Variants in MAST4 observed in about 807,000 individuals in gnomAD.
MAST4 encodes microtubule-associated serine/threonine-protein kinase 4.
In MAST4, 89 loss-of-function variants were observed where a neutral mutation model predicts 162.7. The ratio of observed to expected loss-of-function variants is 0.55; its 90% CI spans 0.46 to 0.65. The LOEUF is 0.65. MAST4 is among the 30% of genes least tolerant of loss of function. The pLI, the probability that MAST4 is intolerant of heterozygous loss-of-function variation, is 0.00. For synonymous variants in MAST4, 1,479 were observed against 1,361.1 expected, an observed-to-expected ratio of 1.09 and a Z score of -1.91; for missense variants, 3,153 against 3,374.0, an observed-to-expected ratio of 0.93 and a Z score of 1.62.
rs543464979 is a variant in MAST4, at chr5:67,099,501, TAAAA to T, written c.913-929_913-926del. 9.9e-3 allele frequency among the ~76,000 whole-genome samples: 1,505 copies of T among 152,164 alleles called. 17 individuals carry two copies. The highest frequency in any genetic ancestry group is 0.035 in the African/African-American group (1,450 of 41,564). ...AGGATACTCTTAATATAATGATTTT[TAAAA>T]AAAATGCTTACTAGAACTGACATTT... On this transcript the variant is annotated intron_variant, in intron 7 of 28. Transcript: ENST00000403625.
intron 3 of MAST4, among the ~76,000 whole-genome samples, chr5:66,874,248 G>T (rs1399928017): frequency 1.3e-5 from 2 of 152,110 alleles, no homozygotes; most frequent in African/African-American, 4.8e-5. Flanking sequence ...AGCAAAACGG[G>T]CAATAGGAAT....
At chr5:67,130,514 T>G (rs1051478654) in intron 15 of MAST4, 96 bp downstream of exon 15, 13 of 1,248,670 alleles carry the variant, frequency 1.0e-5, no homozygotes, top group African/African-American at 7.4e-5. Context: ...AATGGCTGTA[T>G]CCACCTAGGA....
rs763364494 is a variant in MAST4, at chr5:67,136,568, A to T, written c.2398A>T (p.Ile800Phe). The change falls in exon 19 of 29, where the codon ATC (isoleucine) becomes TTC (phenylalanine). Residue 800 changes from isoleucine to phenylalanine, a missense_variant. Ile to Phe is a conservative substitution (Grantham distance 21). Around this residue, in one of 7 missense-constraint regions of MAST4, gnomAD observed 62 missense variants for 63.1 expected, o/e 0.98. Transcript: ENST00000403625. ...ELFGQVISDE[I>F]NWPEKDEAPP... The stretch of plus-strand genomic sequence containing the variant: ...ACAACTTTTCTTCCTTCTAGATGAG[A>T]TCAACTGGCCTGAGAAGGATGAGGC... 1.9e-6 allele frequency: 3 copies of T among 1,601,318 alleles called. No homozygotes were observed. Among genetic ancestry groups the T allele is most frequent in the Non-Finnish European group, 2.6e-6 (3 of 1,173,580 alleles).
At chr5:66,932,392 CAT>C (rs1357888963) in intron 4 of MAST4, among the ~76,000 whole-genome samples, 2 of 152,204 alleles carry the variant, frequency 1.3e-5, no homozygotes, top group East Asian at 1.9e-4. Flanking sequence ...AGCTGGATAA[CAT>C]GTGATTGTGG....
chr5:66,954,523 A>G (rs561455368), intron 4 of MAST4, among the ~76,000 whole-genome samples: 1 of 152,242 alleles, frequency 6.6e-6, no homozygotes, highest in South Asian at 2.1e-4. Context: ...AACAACACAC[A>G]ACACACTTGC....
chr5:66,667,242 G>C (rs965085819), intron 1 of MAST4, among the ~76,000 whole-genome samples: 1 of 152,094 alleles, frequency 6.6e-6, no homozygotes, highest in African/African-American at 2.4e-5. Context: ...ATGGAAACTT[G>C]TACAAAGGAA....
intron 4 of MAST4, among the ~76,000 whole-genome samples, chr5:66,955,633 C>G (rs1428533209): frequency 2.0e-5 from 3 of 152,116 alleles, no homozygotes; most frequent in Non-Finnish European, 2.9e-5. Context: ...CTCTCCCTCC[C>G]CAGATCATTT....
At chr5:66,916,373 T>G (rs1488629057) in intron 4 of MAST4, among the ~76,000 whole-genome samples, 1 of 152,148 alleles carries the variant, frequency 6.6e-6, no homozygotes. Context: ...ATGAACACAA[T>G]GATGAGACTG....
chr5:67,040,656 C>T (rs1410454735), intron 4 of MAST4, among the ~76,000 whole-genome samples: 1 of 152,176 alleles, frequency 6.6e-6, no homozygotes, highest in Non-Finnish European at 1.5e-5. Context: ...GCTACAGACT[C>T]AAAAGTCTGG....
rs1207136344 is a variant in MAST4, at chr5:66,734,881, G to A, written c.364-24828G>A. ...AGGACTCCCCACCCCTTGCAGTGTT[G>A]TTCTTTCTCTTTGTTCTAGTTATTC... is the stretch of plus-strand genomic sequence containing the variant. On this transcript the variant is annotated intron_variant, in intron 1 of 28. Coordinates refer to ENST00000403625, the MANE Select transcript of MAST4 (RefSeq NM_001164664.2). Among the ~76,000 whole-genome samples the A allele has an allele frequency of 2.0e-5, 3 of 152,142 alleles. No individual in the cohort carries two copies. In the East Asian group the frequency reaches 5.8e-4, roughly 29 times the overall value.
chr5:66,869,609 T>G (rs370360278), intron 3 of MAST4, among the ~76,000 whole-genome samples: 1 of 152,214 alleles, frequency 6.6e-6, no homozygotes, highest in Non-Finnish European at 1.5e-5. Flanking sequence ...GCCGAAGCAG[T>G]GATTATGGGC....
intron 3 of MAST4, among the ~76,000 whole-genome samples, chr5:66,847,461 C>T (rs1339762225): frequency 2.0e-5 from 3 of 152,124 alleles, no homozygotes; most frequent in Non-Finnish European, 4.4e-5. Context: ...GGCAAAACCC[C>T]ATCTCTACTA....
intron 3 of MAST4, among the ~76,000 whole-genome samples, chr5:66,893,861 C>T (rs1036168584): frequency 6.6e-6 from 1 of 152,140 alleles, no homozygotes; most frequent in South Asian, 2.1e-4. Flanking sequence ...TACAGCCAAG[C>T]CCTGTGTAAG....
chr5:66,788,793 T>A lies in MAST4; in HGVS notation c.641T>A (p.Leu214Gln). The change falls in exon 3 of 29, where the codon CTG becomes CAG. Residue 214 changes from leucine (L) to glutamine (Q), a missense_variant and splice_region_variant. Leu to Gln is a moderately radical substitution (Grantham distance 113). Around this residue, in one of 7 missense-constraint regions of MAST4, gnomAD observed 327 missense variants for 336.5 expected, o/e 0.97. Coordinates refer to ENST00000403625, the MANE Select transcript of MAST4 (RefSeq NM_001164664.2). ...TCGGCGCCCTCGCTCACCGCCAGCC[T>A]GGTGAGTGTCCGCGGGCGCCGGTGG... ...GQSAPSLTAS[L>Q]KELSLPRRGS... The A allele has an allele frequency of 6.3e-7, 1 of 1,575,574 alleles. No individual in the cohort carries two copies. Among genetic ancestry groups the A allele is most frequent in the Non-Finnish European group, 8.6e-7 (1 of 1,162,098 alleles).
At chr5:66,775,081 A>G (rs2149646582) in intron 2 of MAST4, among the ~76,000 whole-genome samples, 1 of 151,934 alleles carries the variant, frequency 6.6e-6, no homozygotes, top group African/African-American at 2.4e-5. Flanking sequence ...CATGGGAGTC[A>G]GACAGCTCTG....
At chr5:66,669,899 G>T (rs1330206373) in intron 1 of MAST4, among the ~76,000 whole-genome samples, 1 of 152,198 alleles carries the variant, frequency 6.6e-6, no homozygotes, top group East Asian at 1.9e-4. Flanking sequence ...GGAAAAAATG[G>T]GCAAAGGCCA....
At position 67,166,686 on chromosome 5, in the gene MAST4, A is replaced by T; in HGVS notation, c.7507A>T (p.Arg2503Trp). The change falls in exon 29 of 29, where the codon AGG becomes TGG. Residue 2503 changes from arginine to tryptophan, a missense_variant. By Grantham distance (101) the Arg-to-Trp change is moderately radical. Coordinates refer to ENST00000403625, the MANE Select transcript of MAST4 (RefSeq NM_001164664.2). ...TCCAGCCCCCAGCAACAGGGACCAT[A>T]GGAAGGCTCAGCCTGCCGGGGAGGG... ...ELPAPSNRDH[R>W]KAQPAGEGRT... 6.3e-7 allele frequency: 1 copy of T among 1,593,462 alleles called. No individual in the cohort carries two copies. Among genetic ancestry groups the T allele is most frequent in the South Asian group, 1.1e-5 (1 of 87,658 alleles).
chr5:66,709,338 C>A (rs1055690187), intron 1 of MAST4, among the ~76,000 whole-genome samples: 1 of 152,102 alleles, frequency 6.6e-6, no homozygotes, highest in African/African-American at 2.4e-5. Context: ...TTTTTTGAGA[C>A]AGGATCTTGC....
intron 1 of MAST4, among the ~76,000 whole-genome samples, chr5:66,634,366 G>GTT (rs5868458): frequency 6.6e-6 from 1 of 151,910 alleles, no homozygotes; most frequent in East Asian, 1.9e-4. Context: ...GCCATGGTTT[G>GTT]TTTTTTCTTA....
Sources: allele counts gnomAD v4.1 joint callset (sites outside exome capture counted in the v4.1 genomes callset), GRCh38; gene constraint gnomAD v4.1.1; regional missense constraint gnomAD v4.1.1; transcripts MANE v1.5; gene names NCBI Gene and HGNC (gene_info 2026-07-23, HGNC 2026-07-21).